Variants in PPFIA2 observed in about 807,000 individuals in gnomAD.
PPFIA2 encodes the protein PPFI scaffold protein A2.
Under a neutral mutation model 175.5 loss-of-function variants are expected in PPFIA2, and 46 were observed. The observed-to-expected ratio is 0.26, with a 90% CI of 0.21 to 0.34. The LOEUF (loss-of-function observed/expected upper bound fraction) is 0.34, where lower values mean the gene tolerates loss of function less well. Among genes scored for constraint, PPFIA2 ranks in the 10% least tolerant of loss-of-function variants. The pLI is 1.00. For synonymous variants in PPFIA2, 568 were observed against 511.4 expected (o/e 1.11, Z -1.49); for missense variants, 1,179 against 1,506.1 (o/e 0.78, Z 3.60).
At position 81,375,657 on chromosome 12, in the gene PPFIA2, T is replaced by A. The variant is rs73354674; in HGVS notation, c.1131+139A>T. 6,658 of 848,896 alleles carry A rather than the reference T, an allele frequency of 7.8e-3. 306 individuals are homozygous for A. In the African/African-American group the frequency reaches 0.1, roughly 13 times the overall value. The allele number at this position is 848,896 out of a possible 1,614,324, so 52.6% of individuals were successfully genotyped here. A position where few individuals can be genotyped will look rare whatever the true frequency, so the allele number is the denominator to read the frequency against. On this transcript the variant is annotated intron_variant, in intron 10 of 32. Coordinates refer to ENST00000549396, the MANE Select transcript of PPFIA2 (RefSeq NM_003625.5). ...GTAAATTTCACACTGAAAATCGTAT[T>A]TGTTTTGCTAGAGAATTTCAAATTT...
intron 3 of PPFIA2, among the ~76,000 whole-genome samples, chr12:81,695,155 T>G (rs1461779387): frequency 6.6e-6 from 1 of 152,112 alleles, no homozygotes; most frequent in East Asian, 1.9e-4. Context: ...TAGTTAAAAA[T>G]TTGAGGGACT....
chr12:81,652,845 A>G (rs1254836114), intron 4 of PPFIA2, among the ~76,000 whole-genome samples: 1 of 152,056 alleles, frequency 6.6e-6, no homozygotes, highest in Non-Finnish European at 1.5e-5. Context: ...AAACTAAAGA[A>G]CATTGCCCTT....
rs1479897162 is a variant in PPFIA2 at position 81,303,279 on chromosome 12, TA to T, written c.2643-3898del. Among the ~76,000 whole-genome samples, 3 of 152,318 alleles carry T rather than the reference TA, an allele frequency of 2.0e-5. No individual in the cohort carries two copies. The East Asian group carries it at 5.8e-4, about 29-fold the overall frequency. On this transcript the variant is annotated intron_variant, in intron 22 of 32. Coordinates refer to ENST00000549396, the MANE Select transcript of PPFIA2 (RefSeq NM_003625.5). The stretch of plus-strand genomic sequence containing the variant: ...CTGAAGAATAATTTTAGTGTGTTTT[TA>T]AAAATAATTTCAGTCAATCAAATAT...
At chr12:81,497,890 A>G (rs2060200108) in intron 4 of PPFIA2, among the ~76,000 whole-genome samples, 1 of 152,130 alleles carries the variant, frequency 6.6e-6, no homozygotes, top group African/African-American at 2.4e-5. Flanking sequence ...TTCTAGTTCT[A>G]AAGAGTTTCC....
chr12:81,554,765 T>C (rs1413083630), intron 4 of PPFIA2, among the ~76,000 whole-genome samples: 2 of 152,088 alleles, frequency 1.3e-5, no homozygotes, highest in Non-Finnish European at 2.9e-5. Context: ...TGGACATTTA[T>C]AGTTCTGGGA....
intron 4 of PPFIA2, among the ~76,000 whole-genome samples, chr12:81,459,767 A>G (rs2054204905): frequency 6.6e-6 from 1 of 152,114 alleles, no homozygotes; most frequent in Non-Finnish European, 1.5e-5. Flanking sequence ...GACTCCATGT[A>G]TTAAGATTAG....
rs763057318 is a variant in PPFIA2, at chr12:81,384,210, T to C, written c.797A>G (p.Glu266Gly). 4 of 1,602,212 alleles carry C rather than the reference T, an allele frequency of 2.5e-6. No homozygotes were observed. Among genetic ancestry groups the C allele is most frequent in the Non-Finnish European group, 3.4e-6 (4 of 1,172,964 alleles). The change falls in exon 9 of 33, where the codon GAA becomes GGA. Residue 266 changes from glutamate to glycine, a missense_variant. By Grantham distance (98) the Glu-to-Gly change is moderately conservative. Transcript: ENST00000549396. ...TTGTAGTTCAACTATTTGACTAGTTTCATCGGTTGAGTCTATAGAACCATT... is the reference window on the plus strand; with the variant it reads ...TTGTAGTTCAACTATTTGACTAGTTCCATCGGTTGAGTCTATAGAACCATT... The part of the protein sequence containing the change: ...LSNGSIDSTD[E>G]TSQIVELQEL...
rs775609360 is a variant in PPFIA2 at position 81,281,318 on chromosome 12, A to G, written c.3151T>C (p.Leu1051=). 6.2e-7 allele frequency: 1 copy of G among 1,611,756 alleles called. No homozygotes were observed. Among genetic ancestry groups the G allele is most frequent in the South Asian group, 1.1e-5 (1 of 90,886 alleles). The change falls in exon 27 of 33, where the codon TTA becomes CTA. Residue 1051 remains leucine, a synonymous_variant. Coordinates refer to ENST00000549396, the MANE Select transcript of PPFIA2 (RefSeq NM_003625.5). ...FMECLVDARM[L]DHLTKKDLRV... ...AGATCTTTTTTTGTTAGGTGATCTAACATTCTTGCATCTACCAAGCATTCC... is the reference window on the plus strand; with the variant it reads ...AGATCTTTTTTTGTTAGGTGATCTAGCATTCTTGCATCTACCAAGCATTCC...
At chr12:81,572,606 T>C (rs2072755673) in intron 4 of PPFIA2, among the ~76,000 whole-genome samples, 1 of 152,038 alleles carries the variant, frequency 6.6e-6, no homozygotes, top group Non-Finnish European at 1.5e-5. Context: ...GCCTGTGTCT[T>C]GGGCTATTTG....
chr12:81,537,337 A>G (rs1335607590), intron 4 of PPFIA2, among the ~76,000 whole-genome samples: 1 of 151,888 alleles, frequency 6.6e-6, no homozygotes, highest in East Asian at 1.9e-4. Context: ...CCTTATTTCA[A>G]CACTTATAAG....
chr12:81,467,211 G>C (rs2055828199), intron 4 of PPFIA2, among the ~76,000 whole-genome samples: 2 of 152,056 alleles, frequency 1.3e-5, no homozygotes, highest in African/African-American at 4.8e-5. Flanking sequence ...CACATTTTTG[G>C]AGAGAATATA....
chr12:81,294,050 A>G (rs2045774292), intron 24 of PPFIA2, among the ~76,000 whole-genome samples: 1 of 152,168 alleles, frequency 6.6e-6, no homozygotes, highest in Non-Finnish European at 1.5e-5. Flanking sequence ...AAAAAAAATC[A>G]AATACAACAT....
chr12:81,474,958 A>G (rs2057293312), intron 4 of PPFIA2, among the ~76,000 whole-genome samples: 1 of 152,232 alleles, frequency 6.6e-6, no homozygotes, highest in South Asian at 2.1e-4. Flanking sequence ...TATTTATAAT[A>G]GAATAATACA....
chr12:81,392,521 G>A (rs1005114453), intron 8 of PPFIA2, among the ~76,000 whole-genome samples: 2 of 151,732 alleles, frequency 1.3e-5, no homozygotes, highest in Non-Finnish European at 2.9e-5. Context: ...GACTAATAAC[G>A]TCTTTGTAGA....
intron 4 of PPFIA2, among the ~76,000 whole-genome samples, chr12:81,479,044 G>A (rs2057854699): frequency 6.6e-6 from 1 of 152,116 alleles, no homozygotes; most frequent in African/African-American, 2.4e-5. Flanking sequence ...ATTACTGTGT[G>A]GGAGTCTAAG....
At chr12:81,595,027 G>A (rs746247543) in intron 4 of PPFIA2, among the ~76,000 whole-genome samples, 41 of 151,988 alleles carry the variant, frequency 2.7e-4, no homozygotes, top group Non-Finnish European at 4.9e-4. Context: ...GCTGAGTGAA[G>A]GTATTTAATT....
chr12:81,294,190 A>G (rs1281993043), intron 24 of PPFIA2, among the ~76,000 whole-genome samples: 1 of 152,144 alleles, frequency 6.6e-6, no homozygotes, highest in East Asian at 1.9e-4. Context: ...CATTGGGTAC[A>G]ACGTTCACTA....
chr12:81,508,811 G>C (rs1184261418), intron 4 of PPFIA2, among the ~76,000 whole-genome samples: 5 of 126,762 alleles, frequency 3.9e-5, no homozygotes, highest in Non-Finnish European at 7.7e-5. Context: ...TCCCCTTCCT[G>C]TGTCCATGTG....
chr12:81,444,565 T>C (rs1319807815), intron 6 of PPFIA2, among the ~76,000 whole-genome samples: 2 of 152,134 alleles, frequency 1.3e-5, no homozygotes, highest in African/African-American at 2.4e-5. Flanking sequence ...AAAATAAAAA[T>C]GAGATACAAT....
Sources: allele counts gnomAD v4.1 joint callset (sites outside exome capture counted in the v4.1 genomes callset), GRCh38; gene constraint gnomAD v4.1.1; transcripts MANE v1.5; gene names NCBI Gene and HGNC (gene_info 2026-07-23, HGNC 2026-07-21).